The following WASHC2A variants were observed in gnomAD, a reference collection of about 807,000 sequenced individuals.
WASHC2A encodes the protein WASH complex subunit FAM21A.
In WASHC2A, 82 loss-of-function variants were observed where a neutral mutation model predicts 140.3. That is an observed-to-expected ratio of 0.58 (90% confidence interval 0.49 to 0.70). WASHC2A has a LOEUF of 0.70. WASHC2A is among the 30% of genes least tolerant of loss of function. WASHC2A has a pLI of 0.00. For missense variants in WASHC2A, 985 were observed against 1,521.8 expected, an observed-to-expected ratio of 0.65 and a Z score of 5.87; for synonymous variants, 340 against 560.8, an observed-to-expected ratio of 0.61 and a Z score of 5.56.
chr10:50,103,423 G>A (rs1483905694), intron 17 of WASHC2A, among the ~76,000 whole-genome samples: 1 of 152,070 alleles, frequency 6.6e-6, no homozygotes. Flanking sequence ...AGCCAGGCGT[G>A]GTGGCAGGCG....
Position 50,098,647 on chromosome 10 carries a change from C to A in WASHC2A, c.1548+845C>A, listed in dbSNP as rs191252335. On this transcript the variant is annotated intron_variant, in intron 16 of 30. Transcript: ENST00000282633. Reference sequence around the variant, plus strand: ...GATTTTTTTTTTGTTCTAAGAAACTCAGGATTTGGACAGTGTGTCTGCATT... The same window carrying A: ...GATTTTTTTTTTGTTCTAAGAAACTAAGGATTTGGACAGTGTGTCTGCATT... Among the ~76,000 whole-genome samples, 67 of 98,424 alleles carry A rather than the reference C, an allele frequency of 6.8e-4. 7 individuals are homozygous for A. Among genetic ancestry groups the A allele is most frequent in the African/African-American group, 2.1e-3 (54 of 25,280 alleles). The allele number at this position is 98,424 out of a possible 152,430, so 64.6% of individuals were successfully genotyped here.
chr10:50,086,219 C>T (rs1193497235), intron 7 of WASHC2A, among the ~76,000 whole-genome samples: 14 of 151,166 alleles, frequency 9.3e-5, no homozygotes, highest in Middle Eastern at 3.4e-3. Context: ...GGTTGGTCCC[C>T]CTTTCTGCAC....
At chr10:50,112,884 G>T (rs1426896901) in intron 20 of WASHC2A, among the ~76,000 whole-genome samples, 21 of 148,476 alleles carry the variant, frequency 1.4e-4, no homozygotes, top group African/African-American at 5.2e-4. Flanking sequence ...GGTTGCCAGG[G>T]CCTGTGGGGC....
chr10:50,078,730 C>T lies in WASHC2A; in HGVS notation c.347C>T (p.Thr116Ile), dbSNP rs1838611822. The T allele has an allele frequency of 5.6e-6, 9 of 1,611,722 alleles. No homozygotes were observed. Among genetic ancestry groups the T allele is most frequent in the African/African-American group, 1.3e-5 (1 of 74,776 alleles). Residue 116 changes from threonine to isoleucine, a missense_variant, in exon 4 of 31, where the codon ACA becomes ATA. Transcript: ENST00000282633. Reference sequence around the variant, plus strand: ...GTACTCAAGGCTGAGGCAGAAAAAACAGAGCAGGTACTTGTATAAAATCAC... The same window carrying T: ...GTACTCAAGGCTGAGGCAGAAAAAATAGAGCAGGTACTTGTATAAAATCAC... The part of the protein sequence containing the change: ...EPVLKAEAEK[T>I]EQEKTREQKE...
At chr10:50,070,496 A>G (rs1589135590) in intron 3 of WASHC2A, among the ~76,000 whole-genome samples, 2 of 152,218 alleles carry the variant, frequency 1.3e-5, no homozygotes, top group East Asian at 1.9e-4. Context: ...GATATAAAGT[A>G]ATAAAATTTT....
Position 50,078,751 on chromosome 10 carries a change from A to G in WASHC2A, c.354+14A>G. On this transcript the variant is annotated intron_variant, in intron 4 of 30. Transcript: ENST00000282633. ...AAAACAGAGCAGGTACTTGTATAAA[A>G]TCACTCTTAGCTGAGTTTCTGACTT... 6.2e-7 allele frequency: 1 copy of G among 1,611,948 alleles called. No individual in the cohort carries two copies. Among genetic ancestry groups the G allele is most frequent in the Non-Finnish European group, 8.5e-7 (1 of 1,179,856 alleles).
intron 26 of WASHC2A, 149 bp downstream of exon 26, chr10:50,126,328 C>A (rs373928230): frequency 6.5e-6 from 9 of 1,395,262 alleles, no homozygotes; most frequent in African/African-American, 2.9e-5. Flanking sequence ...TGCACTCCCC[C>A]CAAGTCATCT....
chr10:50,074,722 G>C (rs1554877206), intron 3 of WASHC2A, among the ~76,000 whole-genome samples: 1 of 152,086 alleles, frequency 6.6e-6, no homozygotes, highest in Non-Finnish European at 1.5e-5. Flanking sequence ...AGACCATCCT[G>C]ACTAACACGG....
At chr10:50,131,280 A>G (rs1307949934) in intron 30 of WASHC2A, 3 of 737,272 alleles carry the variant, frequency 4.1e-6, no homozygotes, top group Non-Finnish European at 4.8e-6. Flanking sequence ...ATAGTCATCA[A>G]AGAATTTGAA....
chr10:50,086,549 C>A (rs1839399562), intron 7 of WASHC2A, among the ~76,000 whole-genome samples: 1 of 151,392 alleles, frequency 6.6e-6, no homozygotes, highest in African/African-American at 2.4e-5. Context: ...CACCCATTAG[C>A]TCGTCATCTA....
At chr10:50,083,590 T>C (rs1170887926) in intron 5 of WASHC2A, among the ~76,000 whole-genome samples, 9 of 120,986 alleles carry the variant, frequency 7.4e-5, no homozygotes, top group South Asian at 2.8e-4. Context: ...GGAGTTTTGC[T>C]CTTATTGCCC....
chr10:50,105,892 A>G (rs1841713241), intron 18 of WASHC2A, among the ~76,000 whole-genome samples: 1 of 149,254 alleles, frequency 6.7e-6, no homozygotes, highest in African/African-American at 2.5e-5. Flanking sequence ...AGGAGTGGAG[A>G]CAGACCCCCA....
intron 23 of WASHC2A, among the ~76,000 whole-genome samples, chr10:50,124,463 C>T (rs1843253141): frequency 6.6e-6 from 1 of 151,790 alleles, no homozygotes; most frequent in Non-Finnish European, 1.5e-5. Flanking sequence ...TTTAGAATGT[C>T]AGGTCTGGAG....
At chr10:50,090,524 A>ATATTTATATATATATATATATTTATATT (rs1839825401) in intron 8 of WASHC2A, among the ~76,000 whole-genome samples, 1 of 138,622 alleles carries the variant, frequency 7.2e-6, no homozygotes, top group Non-Finnish European at 1.6e-5. Flanking sequence ...AAATATATAT[A>ATATTTATATATATATATATATTTATATT]TATATATTTA....
In WASHC2A at chr10:50,129,521, G is replaced by A; in HGVS notation, c.3190G>A (p.Gly1064Arg). Residue 1064 changes from glycine (G) to arginine (R), a missense_variant, in exon 29 of 31, where the codon GGA (glycine) becomes AGA (arginine). Gly to Arg is a moderately radical substitution (Grantham distance 125, BLOSUM62 -2). Coordinates refer to ENST00000282633, the MANE Select transcript of WASHC2A (RefSeq NM_001005751.3). ...SETEDMSVPR[G>R]PIAQWADGAI... ...GACTGAGGACATGAGCGTCCCCAGAGGACCCATTGCACAGTGGGCTGATGG... is the reference window on the plus strand; with the variant it reads ...GACTGAGGACATGAGCGTCCCCAGAAGACCCATTGCACAGTGGGCTGATGG... The A allele has an allele frequency of 1.9e-6, 3 of 1,612,032 alleles. No homozygotes were observed. The highest frequency in any genetic ancestry group is 1.7e-6 in the Non-Finnish European group (2 of 1,179,862).
chr10:50,089,058 C>T (rs1353532619), intron 8 of WASHC2A, among the ~76,000 whole-genome samples: 1 of 150,256 alleles, frequency 6.7e-6, no homozygotes, highest in African/African-American at 2.5e-5. Context: ...TCCACCTCTT[C>T]GGTTCAAGTG....
At chr10:50,085,943 T>G (rs1176014073) in intron 7 of WASHC2A, among the ~76,000 whole-genome samples, 1 of 151,800 alleles carries the variant, frequency 6.6e-6, no homozygotes, top group East Asian at 1.9e-4. Context: ...AGAACTTTTG[T>G]AAACTATAAA....
rs1410531814 is a variant in WASHC2A, at chr10:50,125,999, T to A, written c.2689-58T>A. The A allele has an allele frequency of 2.8e-4, 455 of 1,604,988 alleles. 5 individuals carry two copies. In the African/African-American group the frequency reaches 5.0e-3, roughly 17 times the overall value. On this transcript the variant is annotated intron_variant, in intron 25 of 30. Coordinates refer to ENST00000282633, the MANE Select transcript of WASHC2A (RefSeq NM_001005751.3). ...CCAGGATTGTTTTTTGCATTATGAT[T>A]TTTCCTTAAAATTTCTAAGATATTT...
chr10:50,067,961 G>C lies in WASHC2A; in HGVS notation c.-45G>C, dbSNP rs1230456600. On this transcript the variant is annotated 5_prime_UTR_variant, in exon 1 of 31. Transcript: ENST00000282633. ...AGGCTTCCGGGGCTCTGCAGTCCTC[G>C]GCGTGTGCTGGCAGCTTCGGAGCCC... 4 of 1,595,124 alleles carry C rather than the reference G, an allele frequency of 2.5e-6. No individual in the cohort carries two copies. The highest frequency in any genetic ancestry group is 2.3e-5 in the East Asian group (1 of 44,098).
Sources: allele counts gnomAD v4.1 joint callset (sites outside exome capture counted in the v4.1 genomes callset), GRCh38; gene constraint gnomAD v4.1.1; transcripts MANE v1.5; gene names NCBI Gene and HGNC (gene_info 2026-07-23, HGNC 2026-07-21).